SIPA1L1: variants seen among roughly 807,000 people sequenced by gnomAD.
SIPA1L1 encodes signal induced proliferation associated 1 like 1.
Under a neutral mutation model 162.7 loss-of-function variants are expected in SIPA1L1, and 26 were observed. The ratio of observed to expected loss-of-function variants is 0.16; its 90% confidence interval spans 0.12 to 0.22. The LOEUF (loss-of-function observed/expected upper bound fraction) is 0.22. Ranked by LOEUF, SIPA1L1 falls within the 10% of genes least tolerant of loss-of-function variation. SIPA1L1 has a pLI of 1.00. For missense variants in SIPA1L1, 1,874 were observed against 2,241.0 expected (o/e 0.84, Z 3.31); for synonymous variants, 829 against 837.4 (o/e 0.99, Z 0.17).
intron 7 of SIPA1L1, among the ~76,000 whole-genome samples, chr14:71,641,340 A>G (rs1350004777): frequency 6.6e-6 from 1 of 152,154 alleles, no homozygotes; most frequent in Non-Finnish European, 1.5e-5. Context: ...ATAAAAGAAA[A>G]AGAGAAAAAT....
intron 2 of SIPA1L1, among the ~76,000 whole-genome samples, chr14:71,336,205 T>C (rs2035074447): frequency 6.6e-6 from 1 of 152,220 alleles, no homozygotes; most frequent in South Asian, 2.1e-4. Flanking sequence ...ATAACAACTT[T>C]ATTGAGTTAT....
At chr14:71,561,434 T>G (rs1338061053) in intron 4 of SIPA1L1, among the ~76,000 whole-genome samples, 1 of 152,210 alleles carries the variant, frequency 6.6e-6, no homozygotes, top group Admixed American at 6.5e-5. Context: ...TACAATCCAA[T>G]AGCATTAATT....
intron 22 of SIPA1L1, chr14:71,735,664 G>T (rs949159233): frequency 6.2e-6 from 2 of 323,752 alleles, no homozygotes; most frequent in Non-Finnish European, 1.1e-5. Context: ...GTTGGGGCAG[G>T]TAGGAGAGAC....
chr14:71,641,047 T>G (rs1190723772), intron 7 of SIPA1L1, among the ~76,000 whole-genome samples: 2 of 152,114 alleles, frequency 1.3e-5, no homozygotes, highest in Non-Finnish European at 2.9e-5. Flanking sequence ...CAGAAAAATT[T>G]TAACTAAAGA....
At chr14:71,609,686 G>A (rs920474563) in intron 5 of SIPA1L1, among the ~76,000 whole-genome samples, 1 of 151,828 alleles carries the variant, frequency 6.6e-6, no homozygotes. Context: ...AGGATGGTCT[G>A]CAACTCCTGA....
At chr14:71,660,526 G>A (rs1325722212) in intron 9 of SIPA1L1, among the ~76,000 whole-genome samples, 1 of 151,874 alleles carries the variant, frequency 6.6e-6, no homozygotes, top group Non-Finnish European at 1.5e-5. Context: ...AGTTTTGTAA[G>A]TACAAGCTTA....
intron 4 of SIPA1L1, among the ~76,000 whole-genome samples, chr14:71,535,430 TAAGTG>T (rs955420427): frequency 2.6e-5 from 4 of 152,206 alleles, no homozygotes; most frequent in Non-Finnish European, 5.9e-5. Flanking sequence ...TCTTGATTCT[TAAGTG>T]AAGGGATAAT....
chr14:71,437,931 G>A (rs1012584107), intron 2 of SIPA1L1, among the ~76,000 whole-genome samples: 9 of 152,030 alleles, frequency 5.9e-5, no homozygotes, highest in African/African-American at 2.2e-4. Flanking sequence ...GGCATGTACC[G>A]TAACTCTTTA....
chr14:71,715,612 G>T (rs1009128412), intron 17 of SIPA1L1, among the ~76,000 whole-genome samples: 4 of 152,132 alleles, frequency 2.6e-5, no homozygotes, highest in Admixed American at 2.6e-4. Flanking sequence ...CATGTCTGTT[G>T]AAAATAAAAA....
intron 7 of SIPA1L1, among the ~76,000 whole-genome samples, chr14:71,627,767 A>G (rs993307177): frequency 1.1e-4 from 17 of 152,254 alleles, no homozygotes; most frequent in African/African-American, 3.9e-4. Context: ...TAAGGCATAC[A>G]GAAATTCCCA....
intron 4 of SIPA1L1, among the ~76,000 whole-genome samples, chr14:71,540,165 C>G (rs1202973089): frequency 1.3e-5 from 2 of 152,156 alleles, no homozygotes; most frequent in Non-Finnish European, 2.9e-5. Flanking sequence ...ATTGACAAGC[C>G]CCTTGGAATT....
intron 2 of SIPA1L1, among the ~76,000 whole-genome samples, chr14:71,327,214 C>T (rs2033935769): frequency 6.6e-6 from 1 of 151,416 alleles, no homozygotes; most frequent in Non-Finnish European, 1.5e-5. Flanking sequence ...TCCTGAGTAG[C>T]TGGAACTACA....
chr14:71,674,038 C>T (rs746349710), intron 12 of SIPA1L1, among the ~76,000 whole-genome samples: 7 of 152,330 alleles, frequency 4.6e-5, no homozygotes, highest in Admixed American at 1.3e-4. Context: ...GCTGTCTCTC[C>T]TTCAAATTGT....
chr14:71,463,940 G>C (rs982502744), intron 2 of SIPA1L1, among the ~76,000 whole-genome samples: 4 of 152,164 alleles, frequency 2.6e-5, no homozygotes, highest in African/African-American at 9.7e-5. Context: ...TGATGGTTGA[G>C]TGCTGCCACT....
At chr14:71,568,622 G>A (rs576671756) in intron 4 of SIPA1L1, among the ~76,000 whole-genome samples, 4 of 152,288 alleles carry the variant, frequency 2.6e-5, no homozygotes, top group South Asian at 2.1e-4. Flanking sequence ...AGGTGAATCC[G>A]TAAAGTGAGA....
At chr14:71,686,608 A>G (rs958786207) in intron 13 of SIPA1L1, among the ~76,000 whole-genome samples, 11 of 151,896 alleles carry the variant, frequency 7.2e-5, no homozygotes, top group African/African-American at 2.7e-4. Flanking sequence ...CAGTGGTGCT[A>G]TCTCGGCTCA....
At chr14:71,596,688 A>G (rs2036073529) in intron 5 of SIPA1L1, among the ~76,000 whole-genome samples, 1 of 152,198 alleles carries the variant, frequency 6.6e-6, no homozygotes, top group South Asian at 2.1e-4. Context: ...TATAGCCTCC[A>G]ATTAGTGCAG....
At chr14:71,444,250 C>T (rs546707425) in intron 2 of SIPA1L1, among the ~76,000 whole-genome samples, 4 of 152,120 alleles carry the variant, frequency 2.6e-5, no homozygotes, top group South Asian at 2.1e-4. Flanking sequence ...GTGCTCAGAG[C>T]GTTTACAAAT....
chr14:71,392,714 T>A (rs1051651307), intron 2 of SIPA1L1, among the ~76,000 whole-genome samples: 5 of 151,928 alleles, frequency 3.3e-5, no homozygotes, highest in Non-Finnish European at 7.4e-5. Context: ...TTTTTTTTTT[T>A]AGTAGAGACG....
Sources: gnomAD v4.1 joint callset for allele counts (sites outside exome capture counted in the v4.1 genomes callset) on GRCh38, gnomAD v4.1.1 for gene constraint, MANE v1.5 for transcripts, NCBI Gene and HGNC (gene_info 2026-07-23, HGNC 2026-07-21) for gene names.